The following CASP5 variants were observed in gnomAD, a reference collection of about 807,000 sequenced individuals.
The protein encoded by CASP5 is caspase 5.
A neutral mutation model predicts 45.2 loss-of-function variants in CASP5; 42 were observed. The observed-to-expected ratio is 0.93, with a 90% CI of 0.73 to 1.20. The LOEUF (loss-of-function observed/expected upper bound fraction) is 1.20, where lower values mean the gene tolerates loss of function less well. CASP5 is among the 50% of genes most tolerant of loss of function. The pLI is 0.00. For missense variants in CASP5, 512 were observed against 532.2 expected, an observed-to-expected ratio of 0.96 and a Z score of 0.37; for synonymous variants, 209 against 186.2, an observed-to-expected ratio of 1.12 and a Z score of -1.00.
rs1861670579 is a variant in CASP5 at position 105,000,420 on chromosome 11, T to C, written c.793A>G (p.Met265Val). The change falls in exon 6 of 10, where the codon ATG (methionine) becomes GTG (valine). Residue 265 changes from methionine (M) to valine (V), a missense_variant. Coordinates refer to ENST00000260315, the MANE Select transcript of CASP5 (RefSeq NM_004347.5). ...ATTCCCTCTAGGATGCCATGAGACA[T>C]GAGTACCAAGAACGTGCTGTCAGAG... The part of the protein sequence containing the change: ...KSSDSTFLVL[M>V]SHGILEGICG... 1.2e-6 allele frequency: 2 copies of C among 1,614,182 alleles called. No individual in the cohort carries two copies. The highest frequency in any genetic ancestry group is 4.5e-5 in the East Asian group (2 of 44,882).
At chr11:105,013,738 C>G (rs1370121485) in intron 1 of CASP5, among the ~76,000 whole-genome samples, 2 of 152,072 alleles carry the variant, frequency 1.3e-5, no homozygotes, top group Non-Finnish European at 2.9e-5. Flanking sequence ...AATACTCCCA[C>G]AACCTCATTC....
intron 1 of CASP5, among the ~76,000 whole-genome samples, chr11:105,014,526 A>G (rs761084046): frequency 6.6e-6 from 1 of 152,148 alleles, no homozygotes; most frequent in African/African-American, 2.4e-5. Flanking sequence ...ATAATTATCT[A>G]CTGAATCACT....
At chr11:105,017,040 G>A (rs1862649622) in intron 1 of CASP5, among the ~76,000 whole-genome samples, 1 of 151,494 alleles carries the variant, frequency 6.6e-6, no homozygotes, top group South Asian at 2.1e-4. Flanking sequence ...CCCCCCAGCA[G>A]GGGCAGACTG....
chr11:104,999,030 T>C lies in CASP5; in HGVS notation c.953-2A>G, dbSNP rs1237064681. 3.8e-6 allele frequency: 6 copies of C among 1,583,074 alleles called. No homozygotes were observed. The highest frequency in any genetic ancestry group is 5.1e-6 in the Non-Finnish European group (6 of 1,171,012). ...TGACCCAGAGTTCCCCATGTTTTTC[T>C]GTAGAGACATCAACTTTCTTTTTTT... On this transcript the variant is annotated splice_acceptor_variant, in intron 6 of 9. Transcript: ENST00000260315. LOFTEE classifies it high-confidence loss of function.
chr11:105,008,215 T>C (rs1862102858), intron 2 of CASP5, among the ~76,000 whole-genome samples: 1 of 152,070 alleles, frequency 6.6e-6, no homozygotes, highest in African/African-American at 2.4e-5. Flanking sequence ...AACAAATTTG[T>C]TTAGAAGAAA....
intron 1 of CASP5, among the ~76,000 whole-genome samples, chr11:105,020,382 C>T (rs536774258): frequency 3.5e-4 from 53 of 151,270 alleles, no homozygotes; most frequent in Middle Eastern, 6.8e-3. Context: ...TGTTTGCAGA[C>T]GACATGATTG....
At chr11:105,003,124 C>T (rs901193199) in intron 4 of CASP5, 150 bp downstream of exon 4, 9 of 595,424 alleles carry the variant, frequency 1.5e-5, no homozygotes, top group Non-Finnish European at 2.0e-5. Flanking sequence ...CTCTTGAGCC[C>T]ATGTGTTCAA....
At chr11:105,022,158 T>G (rs1862999744) in intron 1 of CASP5, among the ~76,000 whole-genome samples, 2 of 113,464 alleles carry the variant, frequency 1.8e-5, no homozygotes, top group South Asian at 3.1e-4. Flanking sequence ...TGGAGCCTGT[T>G]GTGGGGTGGG....
At chr11:105,013,972 T>A in intron 1 of CASP5, among the ~76,000 whole-genome samples, 1 of 152,192 alleles carries the variant, frequency 6.6e-6, no homozygotes, top group East Asian at 1.9e-4. Context: ...TACTCTTAAT[T>A]TTAATTGTTC....
chr11:104,999,079 A>T (rs766418127), intron 6 of CASP5, 51 bp from the exon 7 acceptor site: 11 of 1,494,094 alleles, frequency 7.4e-6, no homozygotes, highest in Non-Finnish European at 1.0e-5. Context: ...AAGTTCCAGA[A>T]TAGAAATGCA....
At chr11:105,021,463 G>C (rs1285405945) in intron 1 of CASP5, among the ~76,000 whole-genome samples, 8 of 149,730 alleles carry the variant, frequency 5.3e-5, no homozygotes, top group Middle Eastern at 3.2e-3. Context: ...AAATTTACAA[G>C]AAAAAAACAA....
At chr11:105,014,971 G>T (rs1274075189) in intron 1 of CASP5, among the ~76,000 whole-genome samples, 2 of 152,168 alleles carry the variant, frequency 1.3e-5, no homozygotes, top group South Asian at 4.1e-4. Flanking sequence ...AGTGAGGGCT[G>T]GTCCCCTAAC....
chr11:105,015,054 T>C (rs1170588243), intron 1 of CASP5, among the ~76,000 whole-genome samples: 2 of 152,192 alleles, frequency 1.3e-5, no homozygotes, highest in Non-Finnish European at 2.9e-5. Flanking sequence ...CTAGCTGGGC[T>C]TTAGAAAGTA....
intron 5 of CASP5, among the ~76,000 whole-genome samples, chr11:105,001,153 G>T (rs1861706561): frequency 6.6e-6 from 1 of 152,084 alleles, no homozygotes; most frequent in Non-Finnish European, 1.5e-5. Context: ...TCTCTCTCAT[G>T]TTTCCTTTTT....
intron 1 of CASP5, among the ~76,000 whole-genome samples, chr11:105,015,543 G>A (rs545515614): frequency 4.4e-4 from 67 of 152,182 alleles, no homozygotes; most frequent in Non-Finnish European, 6.6e-4. Flanking sequence ...ATTTAACAAA[G>A]ACCAACTACA....
intron 5 of CASP5, 92 bp from the exon 6 acceptor site, chr11:105,000,587 T>G: frequency 8.7e-7 from 1 of 1,152,284 alleles, no homozygotes; most frequent in Non-Finnish European, 1.3e-6. Context: ...GAAACATATG[T>G]AACATCCGGG....
At chr11:105,006,889 CT>C (rs1246824618) in intron 3 of CASP5, among the ~76,000 whole-genome samples, 193 bp downstream of exon 3, 1 of 152,130 alleles carries the variant, frequency 6.6e-6, no homozygotes, top group East Asian at 1.9e-4. Flanking sequence ...AAGGACACAG[CT>C]TTTTGGCTAA....
chr11:105,003,469 G>A (rs982022642), intron 3 of CASP5, 86 bp from the exon 4 acceptor site: 57 of 688,500 alleles, frequency 8.3e-5, no homozygotes, highest in Non-Finnish European at 1.3e-4. Context: ...GAGAGAGAGA[G>A]AAATCCTAGG....
At chr11:105,021,719 A>C (rs1042185940) in intron 1 of CASP5, among the ~76,000 whole-genome samples, 14 of 148,424 alleles carry the variant, frequency 9.4e-5, no homozygotes, top group East Asian at 3.9e-4. Flanking sequence ...GTGGGACTGT[A>C]AACTAGTTCA....
Sources: allele counts gnomAD v4.1 joint callset (sites outside exome capture counted in the v4.1 genomes callset), GRCh38; gene constraint gnomAD v4.1.1; transcripts MANE v1.5; gene names NCBI Gene and HGNC (gene_info 2026-07-23, HGNC 2026-07-21).